CALR3: variants seen among roughly 807,000 people sequenced by gnomAD.
CALR3 encodes calreticulin 3, also known as calreticulin-3.
A neutral mutation model predicts 48.7 loss-of-function variants in CALR3; 39 were observed. The ratio of observed to expected loss-of-function variants is 0.80; its 90% CI spans 0.62 to 1.05. The LOEUF is 1.05. Among genes scored for constraint, CALR3 ranks in the 50% least tolerant of loss-of-function variants. The probability of loss-of-function intolerance (pLI) is 0.00; values close to 1 mark genes in which losing one functional copy is unlikely to be tolerated. For missense variants in CALR3, 449 were observed against 474.7 expected (o/e 0.95, Z 0.50); for synonymous variants, 185 against 172.7 (o/e 1.07, Z -0.56).
chr19:16,483,273 AT>A (rs2093383854), intron 5 of CALR3, among the ~76,000 whole-genome samples: 1 of 152,086 alleles, frequency 6.6e-6, no homozygotes, highest in Non-Finnish European at 1.5e-5. Context: ...GGTGCTTCCA[AT>A]CCCACTGAGG....
Position 16,482,683 on chromosome 19 carries a change from A to T in CALR3, c.781T>A (p.Tyr261Asn), listed in dbSNP as rs2070495081. ...WPAPMLQKPP[Y>N]QDGLKPEGIH... is the part of the protein sequence containing the mutation. ...CATACAAAGAGGCCACACACCTGGT[A>T]CGGGGGCTTCTGGAGCATCGGCGCT... is the stretch of plus-strand genomic sequence containing the variant. The change falls in exon 6 of 9, where the codon TAC becomes AAC. Residue 261 changes from tyrosine (Y) to asparagine (N), a missense_variant. Coordinates refer to ENST00000269881, the MANE Select transcript of CALR3 (RefSeq NM_145046.5). 6.2e-7 allele frequency: 1 copy of T among 1,614,170 alleles called. No homozygotes were observed. The highest frequency in any genetic ancestry group is 8.5e-7 in the Non-Finnish European group (1 of 1,180,024).
intron 2 of CALR3, among the ~76,000 whole-genome samples, chr19:16,492,018 G>C (rs2093398890): frequency 6.6e-6 from 1 of 151,742 alleles, no homozygotes; most frequent in African/African-American, 2.4e-5. Context: ...TAGTAGAGAT[G>C]GGGTTTCACC....
intron 2 of CALR3, among the ~76,000 whole-genome samples, chr19:16,493,279 G>A (rs942492543): frequency 6.6e-6 from 1 of 152,192 alleles, no homozygotes; most frequent in African/African-American, 2.4e-5. Context: ...AAAAGATGCC[G>A]TGACTGTTAC....
intron 2 of CALR3, among the ~76,000 whole-genome samples, chr19:16,491,997 T>C (rs62118141): frequency 0.63 from 95,352 of 151,400 alleles, 30,657 homozygotes; most frequent in South Asian, 0.75. Context: ...CCTGGCTAAT[T>C]TTCATATTTT....
intron 2 of CALR3, among the ~76,000 whole-genome samples, chr19:16,492,450 G>A (rs1750932007): frequency 6.6e-6 from 1 of 151,944 alleles, no homozygotes; most frequent in Non-Finnish European, 1.5e-5. Context: ...AAATAAATAA[G>A]CCAGACGCAG....
Position 16,490,333 on chromosome 19 carries a change from C to A in CALR3, c.397+34G>T, listed in dbSNP as rs374320742. On this transcript the variant is annotated intron_variant, in intron 3 of 8. Transcript: ENST00000269881. ...TGAAGTGGGAGGGTTTTCAAAGTCA[C>A]TAGAAGTGGTTGTGTTGCACCACGT... The A allele has an allele frequency of 3.8e-6, 6 of 1,597,320 alleles. No individual in the cohort carries two copies. In the African/African-American group the frequency reaches 6.7e-5, roughly 18 times the overall value.
In CALR3 at chr19:16,485,156, C is replaced by G; in HGVS notation, c.492+7G>C. ...ACACTCATTTATTTGAATACAAGAG[C>G]AGTTACCTTACACCTGATCAGTTTC... On this transcript the variant is annotated splice_region_variant and intron_variant, in intron 4 of 8. Coordinates refer to ENST00000269881, the MANE Select transcript of CALR3 (RefSeq NM_145046.5). The G allele has an allele frequency of 6.4e-7, 1 of 1,550,396 alleles. No individual in the cohort carries two copies. The highest frequency in any genetic ancestry group is 8.9e-7 in the Non-Finnish European group (1 of 1,122,380).
At chr19:16,494,191 G>A (rs1175973892) in intron 2 of CALR3, among the ~76,000 whole-genome samples, 2 of 151,940 alleles carry the variant, frequency 1.3e-5, no homozygotes, top group Admixed American at 6.6e-5. Flanking sequence ...CTCCCAATTA[G>A]CTGGGATTAT....
intron 5 of CALR3, among the ~76,000 whole-genome samples, chr19:16,483,515 C>T (rs1364742276): frequency 1.3e-5 from 2 of 151,978 alleles, no homozygotes; most frequent in Admixed American, 6.6e-5. Context: ...GTCGGGAGTT[C>T]GAGACTAGCC....
intron 3 of CALR3, among the ~76,000 whole-genome samples, chr19:16,487,204 C>T (rs1326151467): frequency 2.0e-5 from 3 of 151,974 alleles, no homozygotes; most frequent in Non-Finnish European, 4.4e-5. Flanking sequence ...TGGGGCCAGG[C>T]GTGGTGGCTC....
At position 16,490,481 on chromosome 19, in the gene CALR3, A is replaced by G. The variant is rs2093396131; in HGVS notation, c.283T>C (p.Tyr95His). The stretch of plus-strand genomic sequence containing the variant: ...ATCTTCTGCTCATGTTTTACTGTGT[A>G]CTGAATAACCAGAGTTTTCCCTTTA... ...SNKGKTLVIQ[Y>H]TVKHEQKMDC... The change falls in exon 3 of 9, where the codon TAC becomes CAC. Residue 95 changes from tyrosine to histidine, a missense_variant. Transcript: ENST00000269881. The G allele has an allele frequency of 6.2e-7, 1 of 1,614,150 alleles. No individual in the cohort carries two copies. Among genetic ancestry groups the G allele is most frequent in the Non-Finnish European group, 8.5e-7 (1 of 1,180,024 alleles).
In CALR3 at chr19:16,484,161, CTTTTTTCTTTTCTTTTCT is replaced by C. The variant is rs763030941; in HGVS notation, c.493-64_493-47del. The C allele has an allele frequency of 3.3e-4, 353 of 1,064,518 alleles. 4 individuals carry two copies. The highest frequency in any genetic ancestry group is 1.0e-3 in the South Asian group (63 of 62,726). 65.9% of individuals were successfully genotyped at this position (1,064,518 alleles called of 1,614,324 possible). On this transcript the variant is annotated intron_variant, in intron 4 of 8. Coordinates refer to ENST00000269881, the MANE Select transcript of CALR3 (RefSeq NM_145046.5). ...AGCGTAACAATTAAATCCTCAATTTCTTTTTTCTTTTCTTTTCTTTTTTTTTTTTTTTTTGAGATGGAG... is the reference window on the plus strand; with the variant it reads ...AGCGTAACAATTAAATCCTCAATTTCTTTTTTTTTTTTTTTTGAGATGGAG...
In CALR3 at chr19:16,482,470, T is replaced by C; in HGVS notation, c.898A>G (p.Ile300Val). 1 of 1,614,228 alleles carries C rather than the reference T, an allele frequency of 6.2e-7. No homozygotes were observed. Among genetic ancestry groups the C allele is most frequent in the Non-Finnish European group, 8.5e-7 (1 of 1,180,042 alleles). Reference sequence around the variant, plus strand: ...ATGACCTGCCAAAGCTCCAGGCCAATGGCACCAATGTTCTCAAATTCTGAG... The same window carrying C: ...ATGACCTGCCAAAGCTCCAGGCCAACGGCACCAATGTTCTCAAATTCTGAG... ...DLSEFENIGA[I>V]GLELWQVRSG... Residue 300 changes from isoleucine to valine, a missense_variant, in exon 7 of 9, where the codon ATT becomes GTT. Physicochemically the swap from Ile to Val is conservative, Grantham distance 29 (BLOSUM62 3). Coordinates refer to ENST00000269881, the MANE Select transcript of CALR3 (RefSeq NM_145046.5).
intron 5 of CALR3, among the ~76,000 whole-genome samples, chr19:16,483,345 C>A (rs567466939): frequency 6.6e-6 from 1 of 152,240 alleles, no homozygotes; most frequent in Admixed American, 6.6e-5. Context: ...TGACTTTAGC[C>A]CTTTCCTGCA....
chr19:16,487,880 C>T (rs1254673127), intron 3 of CALR3, among the ~76,000 whole-genome samples: 1 of 150,622 alleles, frequency 6.6e-6, no homozygotes, highest in East Asian at 2.0e-4. Flanking sequence ...GTGGCGTGAT[C>T]TCAGCTCACT....
At chr19:16,484,966 G>T (rs1019970648) in intron 4 of CALR3, among the ~76,000 whole-genome samples, 197 bp downstream of exon 4, 1 of 152,076 alleles carries the variant, frequency 6.6e-6, no homozygotes, top group Non-Finnish European at 1.5e-5. Flanking sequence ...CCCTCCTGAT[G>T]GGGTAAAAAC....
chr19:16,486,619 CAA>C (rs59111886), intron 3 of CALR3, among the ~76,000 whole-genome samples: 77,250 of 123,282 alleles, frequency 0.63, 22,748 homozygotes, highest in South Asian at 0.73. Context: ...GATTCTATCT[CAA>C]AAAAAAAAAA....
intron 4 of CALR3, among the ~76,000 whole-genome samples, chr19:16,484,890 T>C (rs1486866746): frequency 6.6e-6 from 1 of 152,178 alleles, no homozygotes; most frequent in Non-Finnish European, 1.5e-5. Context: ...GAAATGTGAC[T>C]GTACTATTGT....
intron 3 of CALR3, among the ~76,000 whole-genome samples, chr19:16,489,686 G>A (rs2093394821): frequency 6.6e-6 from 1 of 151,534 alleles, no homozygotes. Context: ...GCACATGCCT[G>A]TAATCCCAGC....
Sources: gnomAD v4.1 joint callset for allele counts (sites outside exome capture counted in the v4.1 genomes callset) on GRCh38, gnomAD v4.1.1 for gene constraint, MANE v1.5 for transcripts, NCBI Gene and HGNC (gene_info 2026-07-23, HGNC 2026-07-21) for gene names.